Variants in ANTXR2 observed in about 807,000 individuals in gnomAD.
ANTXR2 encodes the protein ANTXR cell adhesion molecule 2.
In ANTXR2, 44 loss-of-function variants were observed where a neutral mutation model predicts 73.7. The ratio of observed to expected loss-of-function variants is 0.60; its 90% CI spans 0.47 to 0.77. The LOEUF is 0.77. Among genes scored for constraint, ANTXR2 ranks in the 30% least tolerant of loss-of-function variants. The pLI is 0.00. For missense variants in ANTXR2, 604 were observed against 592.5 expected (o/e 1.02, Z -0.20); for synonymous variants, 217 against 205.9 (o/e 1.05, Z -0.46).
chr4:80,070,884 GA>G (rs965461061), intron 2 of ANTXR2, among the ~76,000 whole-genome samples: 83 of 149,214 alleles, frequency 5.6e-4, no homozygotes, highest in African/African-American at 1.9e-3. Context: ...AAAAAAGAAG[GA>G]AAAAAAAAGC....
intron 7 of ANTXR2, among the ~76,000 whole-genome samples, chr4:80,040,697 T>C (rs1211157630): frequency 1.3e-5 from 2 of 151,754 alleles, no homozygotes; most frequent in East Asian, 1.9e-4. Context: ...ACACACTAAA[T>C]GCAAAATTTC....
intron 3 of ANTXR2, among the ~76,000 whole-genome samples, chr4:80,068,710 T>G (rs1190520559): frequency 6.6e-6 from 1 of 152,168 alleles, no homozygotes; most frequent in Non-Finnish European, 1.5e-5. Flanking sequence ...AGGTGGGGGC[T>G]GCAGTGAGCC....
At chr4:80,011,979 A>G (rs761880306) in intron 11 of ANTXR2, among the ~76,000 whole-genome samples, 2 of 152,270 alleles carry the variant, frequency 1.3e-5, no homozygotes, top group African/African-American at 4.8e-5. Context: ...ATTCTAGTGA[A>G]GAGAATCATA....
chr4:79,953,215 C>T (rs912981730), intron 16 of ANTXR2, among the ~76,000 whole-genome samples: 11 of 152,110 alleles, frequency 7.2e-5, no homozygotes, highest in Admixed American at 3.3e-4. Flanking sequence ...TTTTCACTAA[C>T]GTACCTGAAG....
At position 79,914,390 on chromosome 4, in the gene ANTXR2, C is replaced by T. The variant is rs185581904; in HGVS notation, c.1429-6923G>A. On this transcript the variant is annotated intron_variant, in intron 16 of 16. Transcript: ENST00000403729. ...TTATTATTTCCCAATTTTTGTTCTT[C>T]TGAGGTTTGACTATTTTTTTTCTCA... Among the ~76,000 whole-genome samples, 174 of 152,166 alleles carry T rather than the reference C, an allele frequency of 1.1e-3. 2 individuals carry two copies. Among genetic ancestry groups the T allele is most frequent in the African/African-American group, 4.0e-3 (166 of 41,530 alleles).
intron 16 of ANTXR2, chr4:79,965,078 C>G (rs1729312630): frequency 1.1e-5 from 1 of 88,056 alleles, no homozygotes; most frequent in African/African-American, 2.8e-5. Context: ...GTGCCCGGTG[C>G]GGCCTCCGAG....
At chr4:80,005,234 C>A (rs959569619) in intron 12 of ANTXR2, among the ~76,000 whole-genome samples, 5 of 152,060 alleles carry the variant, frequency 3.3e-5, no homozygotes, top group African/African-American at 1.2e-4. Context: ...GCTGACACAC[C>A]ATAAATGTGC....
intron 12 of ANTXR2, among the ~76,000 whole-genome samples, chr4:80,007,099 A>G (rs1198383442): frequency 6.6e-6 from 1 of 152,008 alleles, no homozygotes; most frequent in Non-Finnish European, 1.5e-5. Context: ...AGTTAATTCT[A>G]TGCCTCCTCC....
intron 6 of ANTXR2, among the ~76,000 whole-genome samples, 178 bp downstream of exon 6, chr4:80,054,972 C>A (rs1733925350): frequency 1.3e-5 from 2 of 151,702 alleles, no homozygotes; most frequent in South Asian, 2.1e-4. Context: ...TTTTCAGTAA[C>A]AAAACCTATT....
chr4:80,033,184 G>A (rs935544501), intron 9 of ANTXR2, among the ~76,000 whole-genome samples: 8 of 151,946 alleles, frequency 5.3e-5, no homozygotes, highest in Non-Finnish European at 8.8e-5. Context: ...ATTATTAGCT[G>A]TGTAACCACA....
chr4:80,027,097 T>C lies in ANTXR2; in HGVS notation c.866+4526A>G, dbSNP rs947583442. Reference sequence around the variant, plus strand: ...TAATGTTCATATTCAAATAAAGACATAACTAATGTCTTAATATCCATGATT... The same window carrying C: ...TAATGTTCATATTCAAATAAAGACACAACTAATGTCTTAATATCCATGATT... On this transcript the variant is annotated intron_variant, in intron 10 of 16. Coordinates refer to ENST00000403729, the MANE Select transcript of ANTXR2 (RefSeq NM_058172.6). 3.9e-5 allele frequency among the ~76,000 whole-genome samples: 6 copies of C among 152,114 alleles called. No homozygotes were observed. The South Asian group carries it at 6.2e-4, about 16-fold the overall frequency.
At chr4:79,993,760 G>GCGCGCACA (rs71662888) in intron 12 of ANTXR2, among the ~76,000 whole-genome samples, 1 of 140,658 alleles carries the variant, frequency 7.1e-6, no homozygotes, top group South Asian at 2.3e-4. Context: ...ACACACACAC[G>GCGCGCACA]CACACACACA....
intron 16 of ANTXR2, among the ~76,000 whole-genome samples, chr4:79,953,469 A>G (rs1174548655): frequency 6.6e-6 from 1 of 152,152 alleles, no homozygotes; most frequent in South Asian, 2.1e-4. Flanking sequence ...ATTATAAATA[A>G]TAAATTATGA....
intron 16 of ANTXR2, among the ~76,000 whole-genome samples, chr4:79,915,020 T>C (rs1420384599): frequency 6.6e-6 from 1 of 152,130 alleles, no homozygotes; most frequent in Non-Finnish European, 1.5e-5. Context: ...ATCGGAATCT[T>C]TAACTTCACT....
chr4:79,960,865 T>C (rs952097716), intron 16 of ANTXR2, among the ~76,000 whole-genome samples: 1 of 151,994 alleles, frequency 6.6e-6, no homozygotes, highest in African/African-American at 2.4e-5. Context: ...TTCTATGTTA[T>C]ACAAATCCTA....
At position 80,023,520 on chromosome 4, in the gene ANTXR2, C is replaced by T. The variant is rs192581762; in HGVS notation, c.867-4544G>A. ...TTACAATGTAAATAAAAGGAAGCCC[C>T]GTAAACAATTACAAAAGAATGCGAT... On this transcript the variant is annotated intron_variant, in intron 10 of 16. Transcript: ENST00000403729. Among the ~76,000 whole-genome samples the T allele has an allele frequency of 9.6e-4, 146 of 152,234 alleles. 1 individual carries two copies. Among genetic ancestry groups the T allele is most frequent in the African/African-American group, 3.5e-3 (144 of 41,536 alleles).
chr4:80,063,961 C>G (rs181774901), intron 3 of ANTXR2, among the ~76,000 whole-genome samples: 6 of 152,050 alleles, frequency 3.9e-5, no homozygotes, highest in African/African-American at 1.4e-4. Flanking sequence ...CTGAAAGGAA[C>G]CTTCTAGACT....
chr4:79,928,541 T>C (rs927280902), intron 16 of ANTXR2, among the ~76,000 whole-genome samples: 1 of 152,188 alleles, frequency 6.6e-6, no homozygotes, highest in African/African-American at 2.4e-5. Context: ...GTAAAAATAT[T>C]GTCATTATTT....
chr4:79,989,676 T>G (rs1433316138), intron 12 of ANTXR2, among the ~76,000 whole-genome samples: 1 of 151,656 alleles, frequency 6.6e-6, no homozygotes. Flanking sequence ...AGAGATACAA[T>G]GAAAAAAGAA....
Sources: allele counts gnomAD v4.1 joint callset (sites outside exome capture counted in the v4.1 genomes callset), GRCh38; gene constraint gnomAD v4.1.1; transcripts MANE v1.5; gene names NCBI Gene and HGNC (gene_info 2026-07-23, HGNC 2026-07-21).